IL12RB1: variants seen among roughly 807,000 people sequenced by gnomAD.
IL12RB1 encodes the protein interleukin 12 receptor subunit beta 1.
Under a neutral mutation model 94.4 loss-of-function variants are expected in IL12RB1, and 64 were observed. That is an observed-to-expected ratio of 0.68 (90% CI 0.55 to 0.83). IL12RB1 has a LOEUF of 0.83. IL12RB1 is among the 40% of genes least tolerant of loss of function. The pLI is 0.00. For missense variants in IL12RB1, 814 were observed against 855.6 expected (o/e 0.95, Z 0.61); for synonymous variants, 362 against 355.5 (o/e 1.02, Z -0.21).
intron 1 of IL12RB1, among the ~76,000 whole-genome samples, chr19:18,092,543 G>A (rs1269847526): frequency 2.6e-5 from 4 of 152,040 alleles, no homozygotes; most frequent in South Asian, 4.2e-4. Flanking sequence ...GGTGGCACGC[G>A]CCTGTAATCC....
At chr19:18,068,552 C>T (rs1008128652) in intron 10 of IL12RB1, 26 bp from the exon 11 acceptor site, 1 of 1,605,622 alleles carries the variant, frequency 6.2e-7, no homozygotes, top group South Asian at 1.1e-5. Flanking sequence ...AAGGCCAGGC[C>T]ATTCAGTAGA....
intron 1 of IL12RB1, among the ~76,000 whole-genome samples, chr19:18,098,067 G>T (rs1332117837): frequency 6.6e-6 from 1 of 152,154 alleles, no homozygotes; most frequent in African/African-American, 2.4e-5. Flanking sequence ...AAGCGATGGC[G>T]TGGGAGGAAG....
At position 18,061,117 on chromosome 19, in the gene IL12RB1, C is replaced by G. The variant is rs751615337; in HGVS notation, c.1791+5G>C. On this transcript the variant is annotated splice_donor_5th_base_variant and intron_variant, in intron 15 of 16. Coordinates refer to ENST00000593993, the MANE Select transcript of IL12RB1 (RefSeq NM_005535.3). ...AAGACTTGGAATTAGAAAAGGCATC[C>G]TTACCTCCTTCCCTCCAGGGAACTC... The G allele has an allele frequency of 3.3e-6, 5 of 1,535,504 alleles. No homozygotes were observed. The highest frequency in any genetic ancestry group is 4.5e-6 in the Non-Finnish European group (5 of 1,113,572).
chr19:18,093,858 G>A (rs549431738), intron 1 of IL12RB1, among the ~76,000 whole-genome samples: 15 of 152,180 alleles, frequency 9.9e-5, no homozygotes, highest in African/African-American at 3.6e-4. Flanking sequence ...TAAAACACAC[G>A]ACTTCCCCAC....
chr19:18,094,175 C>T (rs1223093242), intron 1 of IL12RB1, among the ~76,000 whole-genome samples: 4 of 152,220 alleles, frequency 2.6e-5, no homozygotes, highest in Non-Finnish European at 2.9e-5. Context: ...GTCACCCAGG[C>T]TGGAGTGCAC....
At chr19:18,064,476 ATT>A (rs11304356) in intron 12 of IL12RB1, among the ~76,000 whole-genome samples, 67 of 128,302 alleles carry the variant, frequency 5.2e-4, no homozygotes, top group Non-Finnish European at 5.3e-4. Context: ...TCATCTCAAG[ATT>A]TTTTTTTTTT....
chr19:18,064,134 C>CTTT (rs202141133), intron 12 of IL12RB1, 124 bp from the exon 13 acceptor site: 5,132 of 414,512 alleles, frequency 0.012, 20 homozygotes, highest in Non-Finnish European at 0.015. Context: ...TCTACTCTTT[C>CTTT]TTTCTTTTTT....
In IL12RB1 at chr19:18,083,135, G is replaced by T. The variant is rs551620064; in HGVS notation, c.124+297C>A. 37 of 552,842 alleles carry T rather than the reference G, an allele frequency of 6.7e-5. 1 individual carries two copies. Among genetic ancestry groups the T allele is most frequent in the East Asian group, 3.7e-4 (12 of 32,048 alleles). The allele number at this position is 552,842 out of a possible 1,614,324, so 34.2% of individuals were successfully genotyped here. On this transcript the variant is annotated intron_variant, in intron 2 of 16. Coordinates refer to ENST00000593993, the MANE Select transcript of IL12RB1 (RefSeq NM_005535.3). The stretch of plus-strand genomic sequence containing the variant: ...TAATAATTTATCAGGTTGGGGGGGG[G>T]GCTTCAAAATGCTTAACAGGTACTT...
At chr19:18,090,553 G>A (rs1418998945), upstream of IL12RB1, 1 of 152,274 alleles carries the variant, frequency 6.6e-6, no homozygotes, top group Non-Finnish European at 1.5e-5. Context: ...ACCACCCCTT[G>A]TGGAGTATAG....
At position 18,059,142 on chromosome 19, in the gene IL12RB1, G is replaced by C; in HGVS notation, c.*466C>G. ...CACCCCCATTTTATAGGGGGGTGAG[G>C]GTGGGGTGGGGGGTGGGATGGGAGG... On this transcript the variant is annotated 3_prime_UTR_variant, in exon 17 of 17. Coordinates refer to ENST00000593993, the MANE Select transcript of IL12RB1 (RefSeq NM_005535.3). 6.2e-6 allele frequency: 1 copy of C among 161,912 alleles called. No homozygotes were observed. Among genetic ancestry groups the C allele is most frequent in the South Asian group, 1.1e-4 (1 of 8,774 alleles). The allele number at this position is 161,912 out of a possible 1,614,324, so 10.0% of individuals were successfully genotyped here. A position where few individuals can be genotyped will look rare whatever the true frequency, so the allele number is the denominator to read the frequency against.
chr19:18,065,244 C>T (rs1406518852), intron 12 of IL12RB1, among the ~76,000 whole-genome samples: 2 of 152,118 alleles, frequency 1.3e-5, no homozygotes, highest in Admixed American at 1.3e-4. Flanking sequence ...GTGGGCTTTC[C>T]TGTCCCTCAT....
intron 9 of IL12RB1, 103 bp from the exon 10 acceptor site, chr19:18,069,816 C>G: frequency 2.3e-6 from 2 of 877,460 alleles, no homozygotes; most frequent in Non-Finnish European, 3.8e-6. Flanking sequence ...GTCTATACCC[C>G]TGACCCTACA....
At chr19:18,081,676 C>T (rs1464058862) in intron 3 of IL12RB1, among the ~76,000 whole-genome samples, 3 of 151,844 alleles carry the variant, frequency 2.0e-5, no homozygotes, top group Admixed American at 2.0e-4. Flanking sequence ...CAAAAATTAG[C>T]AGGTGTGGTG....
intron 8 of IL12RB1, among the ~76,000 whole-genome samples, chr19:18,072,551 T>C (rs2035142490): frequency 6.6e-6 from 1 of 152,068 alleles, no homozygotes; most frequent in African/African-American, 2.4e-5. Context: ...ACATCTAGCT[T>C]GAGGGAGGTG....
In IL12RB1 at chr19:18,080,279, G is replaced by A. The variant is rs1191724710; in HGVS notation, c.409+553C>T. Among the ~76,000 whole-genome samples, 6 of 151,960 alleles carry A rather than the reference G, an allele frequency of 3.9e-5. No individual in the cohort carries two copies. In the South Asian group the frequency reaches 8.3e-4, roughly 21 times the overall value. On this transcript the variant is annotated intron_variant, in intron 4 of 16. Coordinates refer to ENST00000593993, the MANE Select transcript of IL12RB1 (RefSeq NM_005535.3). ...TTTTTAGATGGAGTCCTGCTCTGTC[G>A]CCAGGCAGGAGTGCAGTGGCTCAAT... is the stretch of plus-strand genomic sequence containing the variant.
In IL12RB1 at chr19:18,096,831, T is replaced by C. The variant is rs546690757; in HGVS notation, c.-230+1924A>G. ...GCAACAGAGAGACTCGTCTCATAAA[T>C]TAAAAAAAAAAAAAAAAAGTTTTGG... On this transcript the variant is annotated intron_variant, in intron 1 of 4. Transcript: ENST00000594176. Among the ~76,000 whole-genome samples the C allele has an allele frequency of 4.5e-3, 492 of 109,474 alleles. 3 individuals are homozygous for C. Among genetic ancestry groups the C allele is most frequent in the Middle Eastern group, 0.045 (11 of 246 alleles). The allele number at this position is 109,474 out of a possible 152,430, so 71.8% of individuals were successfully genotyped here.
At chr19:18,069,192 G>GC (rs1181557190) in intron 10 of IL12RB1, among the ~76,000 whole-genome samples, 1 of 152,162 alleles carries the variant, frequency 6.6e-6, no homozygotes, top group African/African-American at 2.4e-5. Flanking sequence ...GAGCCTCACG[G>GC]CCCCCCTTTC....
intron 3 of IL12RB1, among the ~76,000 whole-genome samples, 155 bp downstream of exon 3, chr19:18,081,995 A>G (rs774497236): frequency 3.9e-5 from 6 of 151,990 alleles, no homozygotes; most frequent in African/African-American, 9.7e-5. Flanking sequence ...CCCCACCACA[A>G]TCCTCCAACT....
rs1249555878 is a variant in IL12RB1, at chr19:18,072,054, G to A, written c.1021+58C>T. 3 of 1,159,262 alleles carry A rather than the reference G, an allele frequency of 2.6e-6. No homozygotes were observed. In the East Asian group the frequency reaches 7.0e-5, roughly 27 times the overall value. The allele number at this position is 1,159,262 out of a possible 1,614,324, so 71.8% of individuals were successfully genotyped here. ...CTCACCCTGGTCTAGCTGAGGCTCA[G>A]AGTAGGTGCTCAGCTCTGAGGGGCC... On this transcript the variant is annotated intron_variant, in intron 9 of 16. Coordinates refer to ENST00000593993, the MANE Select transcript of IL12RB1 (RefSeq NM_005535.3).
Sources: gnomAD v4.1 joint callset for allele counts (sites outside exome capture counted in the v4.1 genomes callset) on GRCh38, gnomAD v4.1.1 for gene constraint, MANE v1.5 for transcripts, NCBI Gene and HGNC (gene_info 2026-07-23, HGNC 2026-07-21) for gene names.